The following GSK3B variants were observed in gnomAD, a reference collection of about 807,000 sequenced individuals.
GSK3B encodes glycogen synthase kinase 3 beta.
GSK3B carries 15 observed loss-of-function variants against 56.4 expected under a neutral mutation model. That is an observed-to-expected ratio of 0.27 (90% confidence interval 0.18 to 0.41). The LOEUF is 0.41. GSK3B is among the 10% of genes least tolerant of loss of function. The pLI is 1.00. For missense variants in GSK3B, 300 were observed against 513.4 expected, an observed-to-expected ratio of 0.58 and a Z score of 4.02; for synonymous variants, 181 against 188.9, an observed-to-expected ratio of 0.96 and a Z score of 0.34.
At chr3:119,955,223 GAACC>G (rs999966197) in intron 2 of GSK3B, among the ~76,000 whole-genome samples, 4 of 135,314 alleles carry the variant, frequency 3.0e-5, no homozygotes, top group African/African-American at 1.1e-4. Context: ...TGCCCTAAAA[GAACC>G]AACAGCTAAA....
At chr3:119,867,311 T>TGTG (rs2056196243) in intron 8 of GSK3B, among the ~76,000 whole-genome samples, 1 of 152,212 alleles carries the variant, frequency 6.6e-6, no homozygotes, top group African/African-American at 2.4e-5. Flanking sequence ...ACATTCTCAT[T>TGTG]ATCTTAGGAC....
intron 3 of GSK3B, among the ~76,000 whole-genome samples, chr3:119,934,511 C>CA (rs2056976093): frequency 6.6e-6 from 1 of 152,198 alleles, no homozygotes; most frequent in Non-Finnish European, 1.5e-5. Context: ...AGACCACTAA[C>CA]ATCTCATTAT....
chr3:119,938,150 A>G (rs982308022), intron 3 of GSK3B, among the ~76,000 whole-genome samples: 4 of 151,990 alleles, frequency 2.6e-5, no homozygotes, highest in African/African-American at 4.8e-5. Flanking sequence ...CCAACAAAGT[A>G]AAGTCCAGGA....
rs186904092 is a variant in GSK3B, at chr3:119,889,341, G to A, written c.814-12833C>T. Among the ~76,000 whole-genome samples the A allele has an allele frequency of 3.3e-4, 50 of 152,072 alleles. 3 individuals carry two copies. The highest frequency in any genetic ancestry group is 1.2e-3 in the South Asian group (6 of 4,818). ...AAACCTATGTTGAAATATTAGGGGC[G>A]GGTTCCCCCTATAAACAACAAATAT... is the stretch of plus-strand genomic sequence containing the variant. On this transcript the variant is annotated intron_variant, in intron 7 of 10. Coordinates refer to ENST00000264235, the MANE Select transcript of GSK3B (RefSeq NM_001146156.2).
rs1414066439 is a variant in GSK3B, at chr3:119,948,384, G to C, written c.283-1033C>G. Among the ~76,000 whole-genome samples the C allele has an allele frequency of 5.3e-5, 8 of 152,276 alleles. No homozygotes were observed. In the South Asian group the frequency reaches 6.2e-4, roughly 12 times the overall value. On this transcript the variant is annotated intron_variant, in intron 2 of 10. Transcript: ENST00000264235. ...ATGGCTTCTAGTTCTTAGAAGATGA[G>C]AGCAGAAGTGAATGTTCCTTTAAAC... is the stretch of plus-strand genomic sequence containing the variant.
At chr3:120,009,469 T>C (rs1464225583) in intron 1 of GSK3B, among the ~76,000 whole-genome samples, 1 of 152,202 alleles carries the variant, frequency 6.6e-6, no homozygotes, top group African/African-American at 2.4e-5. Context: ...TTAAGAAAAT[T>C]TGGCACATAT....
At chr3:119,932,427 C>A (rs904640603) in intron 3 of GSK3B, among the ~76,000 whole-genome samples, 1 of 151,734 alleles carries the variant, frequency 6.6e-6, no homozygotes, top group East Asian at 1.9e-4. Flanking sequence ...GGGTAGGCAC[C>A]TAGCATACAA....
intron 6 of GSK3B, among the ~76,000 whole-genome samples, chr3:119,909,396 C>A (rs1270240993): frequency 6.6e-6 from 1 of 152,144 alleles, no homozygotes; most frequent in Non-Finnish European, 1.5e-5. Context: ...TGTTTCTGGA[C>A]TAAAGGAATT....
chr3:120,092,705 G>C (rs1417107720), intron 1 of GSK3B, among the ~76,000 whole-genome samples: 1 of 152,206 alleles, frequency 6.6e-6, no homozygotes, highest in Non-Finnish European at 1.5e-5. Context: ...TGCATACAGA[G>C]ATGTTACTGC....
chr3:120,021,253 C>T (rs2057874410), intron 1 of GSK3B, among the ~76,000 whole-genome samples: 1 of 151,908 alleles, frequency 6.6e-6, no homozygotes, highest in Non-Finnish European at 1.5e-5. Context: ...TGCCTGTAAT[C>T]CCAGCACTTT....
chr3:119,901,626 A>T (rs187502842), intron 7 of GSK3B, among the ~76,000 whole-genome samples: 4 of 152,326 alleles, frequency 2.6e-5, no homozygotes, highest in African/African-American at 9.6e-5. Context: ...TCAATAAACA[A>T]CATACACAAC....
At chr3:119,841,307 A>C (rs977572433) in intron 10 of GSK3B, among the ~76,000 whole-genome samples, 3 of 152,236 alleles carry the variant, frequency 2.0e-5, no homozygotes, top group Non-Finnish European at 4.4e-5. Flanking sequence ...GCTCAAAAAC[A>C]TAAGTCACAA....
intron 3 of GSK3B, among the ~76,000 whole-genome samples, chr3:119,929,023 G>A (rs1359979517): frequency 6.6e-6 from 1 of 152,038 alleles, no homozygotes; most frequent in Admixed American, 6.6e-5. Context: ...TAGGTATTAG[G>A]GAAAAGGAAA....
At chr3:120,019,856 T>C (rs918108654) in intron 1 of GSK3B, among the ~76,000 whole-genome samples, 3 of 152,238 alleles carry the variant, frequency 2.0e-5, no homozygotes, top group Non-Finnish European at 2.9e-5. Context: ...ATTCTTGCCA[T>C]ATTATTTTCT....
Position 119,881,262 on chromosome 3 carries a change from A to G in GSK3B, c.814-4754T>C, listed in dbSNP as rs866584827. On this transcript the variant is annotated intron_variant, in intron 7 of 10. Coordinates refer to ENST00000264235, the MANE Select transcript of GSK3B (RefSeq NM_001146156.2). ...AAAATCAGACAACACTATAGTTTACATAGTAAAACTGTGTAAAAATAAATA... is the reference window on the plus strand; with the variant it reads ...AAAATCAGACAACACTATAGTTTACGTAGTAAAACTGTGTAAAAATAAATA... 9.8e-5 allele frequency among the ~76,000 whole-genome samples: 15 copies of G among 152,342 alleles called. 1 individual carries two copies. In the Middle Eastern group the frequency reaches 0.027, roughly 276 times the overall value.
chr3:119,973,481 A>G (rs1041274166), intron 2 of GSK3B, among the ~76,000 whole-genome samples: 1 of 152,140 alleles, frequency 6.6e-6, no homozygotes, highest in African/African-American at 2.4e-5. Flanking sequence ...AGGATCATTC[A>G]CAGCAGATTA....
At chr3:119,954,781 TAAA>T (rs1305315315) in intron 2 of GSK3B, among the ~76,000 whole-genome samples, 1 of 152,092 alleles carries the variant, frequency 6.6e-6, no homozygotes, top group Non-Finnish European at 1.5e-5. Context: ...TCTCATGCTT[TAAA>T]AAGAGAGAGA....
At chr3:119,973,073 C>A (rs748082337) in intron 2 of GSK3B, among the ~76,000 whole-genome samples, 1 of 152,104 alleles carries the variant, frequency 6.6e-6, no homozygotes, top group East Asian at 1.9e-4. Context: ...CTAAGTGAGA[C>A]CTTACTTTGT....
intron 2 of GSK3B, among the ~76,000 whole-genome samples, chr3:119,986,272 T>C (rs923392885): frequency 1.3e-5 from 2 of 152,168 alleles, no homozygotes; most frequent in Non-Finnish European, 2.9e-5. Flanking sequence ...GACATAGTTA[T>C]GGGCAAGGAC....
Sources: allele counts gnomAD v4.1 joint callset (sites outside exome capture counted in the v4.1 genomes callset), GRCh38; gene constraint gnomAD v4.1.1; transcripts MANE v1.5; gene names NCBI Gene and HGNC (gene_info 2026-07-23, HGNC 2026-07-21).